The following EFCAB11 variants were observed in gnomAD, a reference collection of about 807,000 sequenced individuals.
EFCAB11 encodes the protein EF-hand calcium binding domain 11.
Under a neutral mutation model 23.0 loss-of-function variants are expected in EFCAB11, and 14 were observed. That is an observed-to-expected ratio of 0.61 (90% CI 0.40 to 0.95). The LOEUF is 0.95. Ranked by LOEUF, EFCAB11 falls within the 40% of genes least tolerant of loss-of-function variation. The probability of loss-of-function intolerance (pLI) is 0.00; values close to 1 mark genes in which losing one functional copy is unlikely to be tolerated. For synonymous variants in EFCAB11, 65 were observed against 66.6 expected (o/e 0.98, Z 0.11); for missense variants, 198 against 195.8 (o/e 1.01, Z -0.07).
chr14:89,812,297 A>G (rs908078483), intron 5 of EFCAB11, among the ~76,000 whole-genome samples: 1 of 152,264 alleles, frequency 6.6e-6, no homozygotes, highest in South Asian at 2.1e-4. Flanking sequence ...TTCGAGACAT[A>G]TAAAAGGATA....
intron 3 of EFCAB11, among the ~76,000 whole-genome samples, chr14:89,942,889 T>C (rs183352695): frequency 1.3e-5 from 2 of 152,318 alleles, no homozygotes; most frequent in African/African-American, 4.8e-5. Flanking sequence ...TCTATTGAAA[T>C]GACCTACTTT....
intron 5 of EFCAB11, among the ~76,000 whole-genome samples, chr14:89,826,501 A>G (rs1051167307): frequency 8.6e-5 from 13 of 151,856 alleles, no homozygotes; most frequent in Non-Finnish European, 1.3e-4. Flanking sequence ...TGGAGGTTTT[A>G]GGCAGAGGTG....
At chr14:89,899,449 C>G (rs1889276092) in intron 5 of EFCAB11, among the ~76,000 whole-genome samples, 1 of 152,100 alleles carries the variant, frequency 6.6e-6, no homozygotes, top group Non-Finnish European at 1.5e-5. Context: ...CCAAACAGTC[C>G]CAGGCTTTTT....
chr14:89,922,852 G>C (rs1450072119), intron 5 of EFCAB11, among the ~76,000 whole-genome samples: 2 of 152,182 alleles, frequency 1.3e-5, no homozygotes, highest in Non-Finnish European at 2.9e-5. Flanking sequence ...GTTTAAAGCA[G>C]AAGGTGAAGA....
At chr14:89,861,164 C>T (rs899475345) in intron 5 of EFCAB11, among the ~76,000 whole-genome samples, 1 of 152,226 alleles carries the variant, frequency 6.6e-6, no homozygotes, top group Non-Finnish European at 1.5e-5. Flanking sequence ...TATCCACTGA[C>T]ATCCTCTAAA....
chr14:89,913,607 A>T (rs1889748824), intron 5 of EFCAB11, among the ~76,000 whole-genome samples: 1 of 152,188 alleles, frequency 6.6e-6, no homozygotes. Context: ...TTCCTAAAAA[A>T]TATATATACC....
intron 5 of EFCAB11, among the ~76,000 whole-genome samples, chr14:89,853,323 G>A (rs573453057): frequency 6.6e-6 from 1 of 152,296 alleles, no homozygotes; most frequent in East Asian, 1.9e-4. Flanking sequence ...CCTTTAATCT[G>A]ATGAATTGGT....
At chr14:89,872,596 T>C (rs1454140138) in intron 5 of EFCAB11, among the ~76,000 whole-genome samples, 2 of 152,042 alleles carry the variant, frequency 1.3e-5, no homozygotes, top group African/African-American at 2.4e-5. Flanking sequence ...CATAAGAAAA[T>C]GAAGGCAGGT....
At chr14:89,832,006 T>C (rs1221901757) in intron 5 of EFCAB11, among the ~76,000 whole-genome samples, 1 of 152,048 alleles carries the variant, frequency 6.6e-6, no homozygotes, top group Admixed American at 6.6e-5. Context: ...CAGGCATAAC[T>C]TAGAGATCTA....
At chr14:89,862,797 T>G (rs1179949501) in intron 5 of EFCAB11, among the ~76,000 whole-genome samples, 1 of 152,226 alleles carries the variant, frequency 6.6e-6, no homozygotes, top group African/African-American at 2.4e-5. Context: ...AGCACTTTAG[T>G]AGGTTTCTAA....
chr14:89,819,858 C>T (rs1886453290), intron 5 of EFCAB11, among the ~76,000 whole-genome samples: 1 of 152,062 alleles, frequency 6.6e-6, no homozygotes, highest in Admixed American at 6.6e-5. Context: ...GTTTATTACA[C>T]ATCAGTTATA....
intron 5 of EFCAB11, among the ~76,000 whole-genome samples, chr14:89,815,598 G>T (rs900916693): frequency 2.6e-5 from 4 of 152,024 alleles, no homozygotes; most frequent in Non-Finnish European, 4.4e-5. Flanking sequence ...GCTAATTTTT[G>T]TATTTTCAGT....
chr14:89,837,488 A>C (rs1887123113), intron 5 of EFCAB11, among the ~76,000 whole-genome samples: 1 of 152,112 alleles, frequency 6.6e-6, no homozygotes, highest in Non-Finnish European at 1.5e-5. Flanking sequence ...CTTGCCCTTT[A>C]GAGCCTGCTG....
chr14:89,846,029 C>A (rs755789737), intron 5 of EFCAB11, among the ~76,000 whole-genome samples: 4 of 152,174 alleles, frequency 2.6e-5, no homozygotes, highest in Non-Finnish European at 1.5e-5. Context: ...TGACCTTGGG[C>A]AAGGGACTTA....
chr14:89,916,649 CATTT>C (rs1474849631), intron 5 of EFCAB11, among the ~76,000 whole-genome samples: 1 of 152,170 alleles, frequency 6.6e-6, no homozygotes, highest in Non-Finnish European at 1.5e-5. Context: ...TCATTTCATT[CATTT>C]ATTTGTTCAT....
chr14:89,866,008 C>G (rs1445413339), intron 5 of EFCAB11, among the ~76,000 whole-genome samples: 1 of 151,988 alleles, frequency 6.6e-6, no homozygotes, highest in African/African-American at 2.4e-5. Context: ...TGGTCTAAAA[C>G]TCCTGAGCTC....
chr14:89,910,335 C>T (rs10141279), intron 5 of EFCAB11, among the ~76,000 whole-genome samples: 18,979 of 151,970 alleles, frequency 0.12, 3,276 homozygotes, highest in African/African-American at 0.39. Context: ...CAGTGGCTCA[C>T]GCCTGTAATC....
At chr14:89,877,893 A>G (rs1163509097) in intron 5 of EFCAB11, among the ~76,000 whole-genome samples, 1 of 152,228 alleles carries the variant, frequency 6.6e-6, no homozygotes, top group African/African-American at 2.4e-5. Context: ...AACACTGAGC[A>G]GTAAGAACTC....
Position 89,897,458 on chromosome 14 carries a change from G to A in EFCAB11, c.410+34083C>T, listed in dbSNP as rs546722130. 1.2e-4 allele frequency among the ~76,000 whole-genome samples: 18 copies of A among 152,134 alleles called. No individual in the cohort carries two copies. In the East Asian group the frequency reaches 1.4e-3, roughly 11 times the overall value. Reference sequence around the variant, plus strand: ...CCTGACCTCGTGATCCACCCACCTCGGCCTCCCAAAGTGCTGGTATTACAG... The same window carrying A: ...CCTGACCTCGTGATCCACCCACCTCAGCCTCCCAAAGTGCTGGTATTACAG... On this transcript the variant is annotated intron_variant, in intron 5 of 5. Coordinates refer to ENST00000316738, the MANE Select transcript of EFCAB11 (RefSeq NM_145231.4).
Sources: allele counts gnomAD v4.1 joint callset (sites outside exome capture counted in the v4.1 genomes callset), GRCh38; gene constraint gnomAD v4.1.1; transcripts MANE v1.5; gene names NCBI Gene and HGNC (gene_info 2026-07-23, HGNC 2026-07-21).